GREB1L: variants seen among roughly 807,000 people sequenced by gnomAD.
The protein encoded by GREB1L is GREB1-like protein.
GREB1L carries 17 observed loss-of-function variants against 200.8 expected under a neutral mutation model. That is an observed-to-expected ratio of 0.08 (90% CI 0.06 to 0.13). The LOEUF is 0.13. Among genes scored for constraint, GREB1L ranks in the 10% least tolerant of loss-of-function variants. GREB1L has a pLI of 1.00. For synonymous variants in GREB1L, 789 were observed against 893.0 expected (o/e 0.88, Z 2.08); for missense variants, 1,657 against 2,367.7 (o/e 0.70, Z 6.23).
intron 1 of GREB1L, among the ~76,000 whole-genome samples, chr18:21,278,389 A>AAAAAAAAAT (rs750178610): frequency 1.6e-5 from 2 of 125,610 alleles, no homozygotes; most frequent in East Asian, 2.2e-4. Context: ...TCAAAAAAAA[A>AAAAAAAAAT]AAATAAATAA....
At position 21,432,627 on chromosome 18, in the gene GREB1L, G is replaced by A. The variant is rs556390373; in HGVS notation, c.833-6894G>A. Among the ~76,000 whole-genome samples the A allele has an allele frequency of 1.6e-4, 22 of 137,886 alleles. No homozygotes were observed. The South Asian group carries it at 4.1e-3, about 26-fold the overall frequency. 90.5% of individuals were successfully genotyped at this position (137,886 alleles called of 152,430 possible). ...CTGCTCAGAAGCATGGTATGTCTTC[G>A]TATTTGTTCAGGTGTATATTCATGA... On this transcript the variant is annotated intron_variant, in intron 7 of 32. Transcript: ENST00000424526.
intron 1 of GREB1L, among the ~76,000 whole-genome samples, chr18:21,292,417 T>C (rs2038464162): frequency 1.3e-5 from 2 of 152,196 alleles, no homozygotes; most frequent in South Asian, 4.1e-4. Context: ...TTTGGTGTTA[T>C]TTGTATATTC....
At chr18:21,512,055 G>A (rs561198230) in intron 27 of GREB1L, among the ~76,000 whole-genome samples, 1 of 152,236 alleles carries the variant, frequency 6.6e-6, no homozygotes, top group South Asian at 2.1e-4. Flanking sequence ...GCTTTCTATA[G>A]GCCCAGATCA....
Position 21,516,764 on chromosome 18 carries a change from G to A in GREB1L, c.5271+10G>A, listed in dbSNP as rs369211722. The A allele has an allele frequency of 1.0e-5, 16 of 1,547,650 alleles. No individual in the cohort carries two copies. Among genetic ancestry groups the A allele is most frequent in the African/African-American group, 6.9e-5 (5 of 72,892 alleles). Reference sequence around the variant, plus strand: ...TAAACCAAAGATCATGGTGAGTACCGCAAGCTTGATTCAAGTGCTGAAAAT... The same window carrying A: ...TAAACCAAAGATCATGGTGAGTACCACAAGCTTGATTCAAGTGCTGAAAAT... On this transcript the variant is annotated intron_variant, in intron 30 of 32. Coordinates refer to ENST00000424526, the MANE Select transcript of GREB1L (RefSeq NM_001142966.3).
At chr18:21,516,885 T>G (rs1386659871) in intron 30 of GREB1L, 131 bp downstream of exon 30, 7 of 910,926 alleles carry the variant, frequency 7.7e-6, no homozygotes, top group Admixed American at 2.9e-5. Context: ...GAGTTTTTTT[T>G]TTTTTTTTTT....
At chr18:21,454,769 T>C in intron 15 of GREB1L, 1 of 581,346 alleles carries the variant, frequency 1.7e-6, no homozygotes, top group Non-Finnish European at 3.1e-6. Context: ...AAGGGTAAAT[T>C]GTTGTGCATG....
chr18:21,456,947 C>A (rs1213602605), intron 15 of GREB1L, among the ~76,000 whole-genome samples: 3 of 152,026 alleles, frequency 2.0e-5, no homozygotes, highest in African/African-American at 7.2e-5. Flanking sequence ...AAGTATTTTA[C>A]TTGTACCATT....
intron 4 of GREB1L, chr18:21,387,736 T>C (rs2040604609): frequency 6.6e-6 from 1 of 152,222 alleles, no homozygotes; most frequent in African/African-American, 2.4e-5. Flanking sequence ...AGACTATTAA[T>C]CAGACATATT....
intron 1 of GREB1L, among the ~76,000 whole-genome samples, chr18:21,364,724 G>C (rs78137074): frequency 2.6e-5 from 4 of 152,288 alleles, no homozygotes; most frequent in African/African-American, 9.6e-5. Flanking sequence ...TCTTAGCTTT[G>C]AGTGTAATTA....
At chr18:21,261,102 C>A (rs2037883269) in intron 1 of GREB1L, among the ~76,000 whole-genome samples, 1 of 151,916 alleles carries the variant, frequency 6.6e-6, no homozygotes, top group Non-Finnish European at 1.5e-5. Context: ...AAAAAGCTTG[C>A]TAACATTAGC....
At chr18:21,482,162 A>G (rs1189744090) in intron 17 of GREB1L, among the ~76,000 whole-genome samples, 1 of 152,216 alleles carries the variant, frequency 6.6e-6, no homozygotes. Context: ...GACATGGTAC[A>G]TTTTCTAGGA....
At chr18:21,340,378 CCACTGCACTCCAGCCTGGGCAA>C (rs1240264029) in intron 1 of GREB1L, among the ~76,000 whole-genome samples, 1 of 149,684 alleles carries the variant, frequency 6.7e-6, no homozygotes, top group Non-Finnish European at 1.5e-5. Context: ...TGAGATTGTG[CCACTGCACTCCAGCCTGGGCAA>C]CAGAGCGAGA....
At chr18:21,245,674 T>TA (rs1291280942) in intron 1 of GREB1L, among the ~76,000 whole-genome samples, 2 of 152,262 alleles carry the variant, frequency 1.3e-5, no homozygotes, top group East Asian at 1.9e-4. Flanking sequence ...TTTTGCAGCA[T>TA]AAAAAATGTA....
intron 20 of GREB1L, 25 bp from the exon 21 acceptor site, chr18:21,496,429 C>G: frequency 1.3e-6 from 2 of 1,551,104 alleles, no homozygotes; most frequent in Non-Finnish European, 1.7e-6. Context: ...ATAGACTCAC[C>G]AACAACACAA....
At chr18:21,344,444 T>C (rs1273311470) in intron 1 of GREB1L, among the ~76,000 whole-genome samples, 2 of 129,394 alleles carry the variant, frequency 1.5e-5, no homozygotes, top group South Asian at 2.1e-4. Flanking sequence ...AACTGCTTGA[T>C]AGTGTTAGAC....
intron 4 of GREB1L, among the ~76,000 whole-genome samples, chr18:21,387,184 A>G (rs2040578386): frequency 6.6e-6 from 1 of 152,182 alleles, no homozygotes; most frequent in African/African-American, 2.4e-5. Flanking sequence ...TAGGCCTCCA[A>G]ATACTGCTTT....
intron 29 of GREB1L, 109 bp downstream of exon 29, chr18:21,515,753 C>T: frequency 1.2e-6 from 1 of 809,872 alleles, no homozygotes; most frequent in Non-Finnish European, 1.9e-6. Context: ...GAGAAGCTGA[C>T]TCTTTATGTG....
At chr18:21,407,123 C>T (rs1824366877) in intron 7 of GREB1L, among the ~76,000 whole-genome samples, 2 of 152,134 alleles carry the variant, frequency 1.3e-5, no homozygotes, top group Admixed American at 1.3e-4. Context: ...GATCCACCAG[C>T]CTTGGCTCCC....
At chr18:21,270,897 T>C (rs1379782402) in intron 1 of GREB1L, among the ~76,000 whole-genome samples, 1 of 152,190 alleles carries the variant, frequency 6.6e-6, no homozygotes, top group Non-Finnish European at 1.5e-5. Context: ...TTCATCCTTA[T>C]CACCATCCTT....
Sources: gnomAD v4.1 joint callset for allele counts (sites outside exome capture counted in the v4.1 genomes callset) on GRCh38, gnomAD v4.1.1 for gene constraint, MANE v1.5 for transcripts, NCBI Gene and HGNC (gene_info 2026-07-23, HGNC 2026-07-21) for gene names.